IKBKB: variants seen among roughly 807,000 people sequenced by gnomAD.
IKBKB encodes the protein inhibitor of nuclear factor kappa B kinase subunit beta.
IKBKB carries 42 observed loss-of-function variants against 113.6 expected under a neutral mutation model. The ratio of observed to expected loss-of-function variants is 0.37; its 90% CI spans 0.29 to 0.48. IKBKB has a LOEUF of 0.48. Ranked by LOEUF, IKBKB falls within the 20% of genes least tolerant of loss-of-function variation. IKBKB has a pLI of 0.99. For missense variants in IKBKB, 673 were observed against 939.7 expected, an observed-to-expected ratio of 0.72 and a Z score of 3.71; for synonymous variants, 296 against 361.3, an observed-to-expected ratio of 0.82 and a Z score of 2.05.
At chr8:42,276,895 C>T (rs1361064413) in intron 2 of IKBKB, among the ~76,000 whole-genome samples, 1 of 124,996 alleles carries the variant, frequency 8.0e-6, no homozygotes, top group Non-Finnish European at 1.6e-5. Context: ...GAGACGGGGT[C>T]TCGCTCTGTC....
chr8:42,279,294 G>A (rs562894948), intron 2 of IKBKB, among the ~76,000 whole-genome samples: 1 of 152,242 alleles, frequency 6.6e-6, no homozygotes. Context: ...CCTCTTAAAA[G>A]AAGCAGCTGG....
chr8:42,318,953 T>C (rs1286111784), intron 13 of IKBKB: 3 of 531,852 alleles, frequency 5.6e-6, no homozygotes, highest in Non-Finnish European at 1.0e-5. Context: ...AGGAGCTCAC[T>C]ACCATGTGGA....
intron 1 of IKBKB, chr8:42,271,813 G>T (rs1807814537): frequency 1.9e-6 from 1 of 528,204 alleles, no homozygotes; most frequent in East Asian, 3.4e-5. Context: ...GGATCCCCTC[G>T]CTAGGGCAAG....
rs1563380006 is a variant in IKBKB, at chr8:42,331,193, C to CACCCAGG, written c.*224_*230dup. ...TCGCTTCCTCAGCAGCTGTGACTTTCACCCAGGACCCAGGACGCAGCCCTC... is the reference window on the plus strand; with the variant it reads ...TCGCTTCCTCAGCAGCTGTGACTTTCACCCAGGACCCAGGACCCAGGACGCAGCCCTC... On this transcript the variant is annotated 3_prime_UTR_variant, in exon 22 of 22. Transcript: ENST00000520810. 1.3e-6 allele frequency: 1 copy of CACCCAGG among 795,848 alleles called. No individual in the cohort carries two copies. The highest frequency in any genetic ancestry group is 2.7e-5 in the East Asian group (1 of 37,628). The allele number at this position is 795,848 out of a possible 1,614,324, so 49.3% of individuals were successfully genotyped here. A position where few individuals can be genotyped will look rare whatever the true frequency, so the allele number is the denominator to read the frequency against.
intron 2 of IKBKB, among the ~76,000 whole-genome samples, chr8:42,274,792 C>A (rs867314928): frequency 0.014 from 1,082 of 79,458 alleles, 277 homozygotes; most frequent in South Asian, 0.04. Context: ...GCGCGCCCCC[C>A]CCCCCCCCCG....
At chr8:42,292,155 A>T (rs1812776095) in intron 4 of IKBKB, among the ~76,000 whole-genome samples, 1 of 152,150 alleles carries the variant, frequency 6.6e-6, no homozygotes, top group Non-Finnish European at 1.5e-5. Context: ...AACCTTTGAC[A>T]GTCACCCATT....
chr8:42,300,544 T>C (rs1464705082), intron 5 of IKBKB, among the ~76,000 whole-genome samples: 1 of 152,232 alleles, frequency 6.6e-6, no homozygotes, highest in Non-Finnish European at 1.5e-5. Context: ...TGCTCTTATC[T>C]GTTCCCCAGT....
chr8:42,303,677 T>C (rs1442045518), intron 5 of IKBKB, among the ~76,000 whole-genome samples: 2 of 152,106 alleles, frequency 1.3e-5, no homozygotes, highest in African/African-American at 2.4e-5. Flanking sequence ...GCTAATTTTT[T>C]TGTATTTTTA....
chr8:42,320,968 TG>T, intron 16 of IKBKB, 124 bp downstream of exon 16: 1 of 549,164 alleles, frequency 1.8e-6, no homozygotes. Context: ...TGCTTCCCTG[TG>T]GGGTCACTTC....
chr8:42,305,204 C>T lies in IKBKB; in HGVS notation c.406C>T (p.Leu136Phe). 3.1e-6 allele frequency: 5 copies of T among 1,613,886 alleles called. No individual in the cohort carries two copies. Among genetic ancestry groups the T allele is most frequent in the Non-Finnish European group, 4.2e-6 (5 of 1,179,768 alleles). The change falls in exon 6 of 22, where the codon CTT (leucine) becomes TTT (phenylalanine). Residue 136 changes from leucine to phenylalanine, a missense_variant. Leu to Phe is a conservative substitution (Grantham distance 22, BLOSUM62 0). This residue lies in a region of IKBKB where 167 missense variants were observed against 301.0 expected (regional missense o/e 0.55). Coordinates refer to ENST00000520810, the MANE Select transcript of IKBKB (RefSeq NM_001556.3). ...LSDIASALRYLHENRIIHRDL... is the reference protein window; with the variant it reads ...LSDIASALRYFHENRIIHRDL... ...TTCCTCAGCCTCTGCGCTTAGATACCTTCATGAAAACAGAATCATCCATCG... is the reference window on the plus strand; with the variant it reads ...TTCCTCAGCCTCTGCGCTTAGATACTTTCATGAAAACAGAATCATCCATCG...
At chr8:42,289,088 C>T (rs1211653743) in intron 3 of IKBKB, among the ~76,000 whole-genome samples, 5 of 152,114 alleles carry the variant, frequency 3.3e-5, no homozygotes, top group East Asian at 1.9e-4. Context: ...TGGTGGCGGG[C>T]GCTGTAGTCT....
chr8:42,281,585 C>G (rs1214421949), intron 2 of IKBKB, among the ~76,000 whole-genome samples: 1 of 152,122 alleles, frequency 6.6e-6, no homozygotes, highest in Non-Finnish European at 1.5e-5. Flanking sequence ...GCCCTCTTAG[C>G]GTAGACCAGG....
intron 7 of IKBKB, among the ~76,000 whole-genome samples, chr8:42,308,304 C>CTTT (rs71548577): frequency 8.6e-6 from 1 of 115,672 alleles, no homozygotes; most frequent in Admixed American, 8.8e-5. Flanking sequence ...TTCTTTCTTT[C>CTTT]TTTTTTTTTT....
intron 1 of IKBKB, chr8:42,271,842 C>A (rs1807820278): frequency 7.2e-6 from 4 of 556,674 alleles, no homozygotes; most frequent in Non-Finnish European, 1.3e-5. Flanking sequence ...CATCGCCTCC[C>A]TCGGTGACTT....
chr8:42,280,540 G>A (rs929267226), intron 2 of IKBKB, among the ~76,000 whole-genome samples: 1 of 152,132 alleles, frequency 6.6e-6, no homozygotes, highest in Non-Finnish European at 1.5e-5. Context: ...CTCTGTCAGC[G>A]TCTTGGCTGT....
Position 42,328,247 on chromosome 8 carries a change from CTT to C in IKBKB, c.2115-857_2115-856del, listed in dbSNP as rs59970761. Among the ~76,000 whole-genome samples the C allele has an allele frequency of 4.1e-3, 549 of 132,440 alleles. 4 individuals carry two copies. Among genetic ancestry groups the C allele is most frequent in the African/African-American group, 0.014 (487 of 35,950 alleles). The allele number at this position is 132,440 out of a possible 152,430, so 86.9% of individuals were successfully genotyped here. A position where few individuals can be genotyped will look rare whatever the true frequency, so the allele number is the denominator to read the frequency against. On this transcript the variant is annotated intron_variant, in intron 20 of 21. Coordinates refer to ENST00000520810, the MANE Select transcript of IKBKB (RefSeq NM_001556.3). ...CAGGCGTGAGCCACCGCACCCGGCCCTTTTTTTTTTTTTTTTTTTTTAAATAA... is the reference window on the plus strand; with the variant it reads ...CAGGCGTGAGCCACCGCACCCGGCCCTTTTTTTTTTTTTTTTTTTAAATAA...
rs771387856 is a variant in IKBKB, at chr8:42,316,692, A to T, written c.931-18A>T. 3 of 1,605,144 alleles carry T rather than the reference A, an allele frequency of 1.9e-6. No homozygotes were observed. The East Asian group carries it at 6.7e-5, about 36-fold the overall frequency. Reference sequence around the variant, plus strand: ...TTGAAGAAATCGGTTTTCCAGTAACATCTGGGTTGTGTTGCAGCTGGTTCA... The same window carrying T: ...TTGAAGAAATCGGTTTTCCAGTAACTTCTGGGTTGTGTTGCAGCTGGTTCA... On this transcript the variant is annotated intron_variant, in intron 10 of 21. Transcript: ENST00000520810. The surrounding 1 kb of genome is among the most constrained non-coding windows in gnomAD (Gnocchi z 4.5).
intron 5 of IKBKB, among the ~76,000 whole-genome samples, chr8:42,300,712 G>A (rs1317864136): frequency 1.3e-5 from 2 of 152,160 alleles, no homozygotes; most frequent in African/African-American, 4.8e-5. Flanking sequence ...ACCGGGGCAC[G>A]GCTTCTGAGG....
intron 2 of IKBKB, among the ~76,000 whole-genome samples, chr8:42,274,257 T>TGACCTCAGGTGATCTGCC (rs1808449984): frequency 2.0e-5 from 3 of 152,190 alleles, no homozygotes; most frequent in Admixed American, 1.3e-4. Flanking sequence ...CTCAAACTCC[T>TGACCTCAGGTGATCTGCC]GACCTCAGGT....
Sources: allele counts gnomAD v4.1 joint callset (sites outside exome capture counted in the v4.1 genomes callset), GRCh38; gene constraint gnomAD v4.1.1; regional missense constraint gnomAD v4.1.1; non-coding constraint Gnocchi (gnomAD v3.1); transcripts MANE v1.5; gene names NCBI Gene and HGNC (gene_info 2026-07-23, HGNC 2026-07-21).